CNNM1: variants seen among roughly 807,000 people sequenced by gnomAD.
The protein encoded by CNNM1 is metal transporter CNNM1.
In CNNM1, 44 loss-of-function variants were observed where a neutral mutation model predicts 78.8. That is an observed-to-expected ratio of 0.56 (90% CI 0.44 to 0.72). The LOEUF (loss-of-function observed/expected upper bound fraction) is 0.72. Ranked by LOEUF, CNNM1 falls within the 30% of genes least tolerant of loss-of-function variation. The probability of loss-of-function intolerance (pLI) is 0.00; values close to 1 mark genes in which losing one functional copy is unlikely to be tolerated. For synonymous variants in CNNM1, 584 were observed against 581.5 expected (o/e 1.00, Z -0.06); for missense variants, 1,101 against 1,292.2 (o/e 0.85, Z 2.27).
Position 99,329,525 on chromosome 10 carries a change from G to A in CNNM1, c.138G>A (p.Arg46=). 6.6e-7 allele frequency: 1 copy of A among 1,511,508 alleles called. No homozygotes were observed. The highest frequency in any genetic ancestry group is 8.8e-7 in the Non-Finnish European group (1 of 1,137,554). The allele number at this position is 1,511,508 out of a possible 1,614,324, so 93.6% of individuals were successfully genotyped here. A position where few individuals can be genotyped will look rare whatever the true frequency, so the allele number is the denominator to read the frequency against. The change falls in exon 1 of 11, where the codon CGG becomes CGA. Residue 46 remains arginine (R), a synonymous_variant. Coordinates refer to ENST00000356713, the MANE Select transcript of CNNM1 (RefSeq NM_020348.3). ...PAAAAWLLGL[R]PEDTAGGRVS... is the part of the protein sequence containing the mutation. ...CCGCCGCCTGGCTGCTGGGCCTGCG[G>A]CCCGAGGACACTGCTGGAGGCCGCG...
At position 99,330,445 on chromosome 10, in the gene CNNM1, C is replaced by G; in HGVS notation, c.1058C>G (p.Ala353Gly). 1 of 1,589,998 alleles carries G rather than the reference C, an allele frequency of 6.3e-7. No individual in the cohort carries two copies. ...PYSVCSRHGL[A>G]IASHSVCLTR... ...TCAGTGTGTTCGCGGCACGGGCTGG[C>G]CATCGCCTCGCACAGCGTGTGCCTG... is the stretch of plus-strand genomic sequence containing the variant. The change falls in exon 1 of 11, where the codon GCC becomes GGC. Residue 353 changes from alanine to glycine, a missense_variant. By Grantham distance (60) the Ala-to-Gly change is moderately conservative. Transcript: ENST00000356713.
At chr10:99,350,137 C>T (rs1358841066) in intron 1 of CNNM1, among the ~76,000 whole-genome samples, 1 of 152,154 alleles carries the variant, frequency 6.6e-6, no homozygotes, top group African/African-American at 2.4e-5. Context: ...GCTGCTACTC[C>T]AAGGAATACA....
chr10:99,388,371 G>A (rs2032372638), intron 9 of CNNM1, 70 bp downstream of exon 9: 1 of 1,539,226 alleles, frequency 6.5e-7, no homozygotes, highest in African/African-American at 1.4e-5. Context: ...ATGGCCCAGG[G>A]AAAGCTGGCT....
At chr10:99,368,903 T>C (rs2031717003) in intron 6 of CNNM1, among the ~76,000 whole-genome samples, 1 of 152,218 alleles carries the variant, frequency 6.6e-6, no homozygotes, top group African/African-American at 2.4e-5. Context: ...TGTATCTGTG[T>C]ATGCACATGG....
intron 1 of CNNM1, among the ~76,000 whole-genome samples, chr10:99,356,374 G>A (rs1232851919): frequency 2.0e-5 from 3 of 151,934 alleles, no homozygotes; most frequent in Non-Finnish European, 4.4e-5. Context: ...TACTCGGGAG[G>A]CTGAGGTAGG....
At chr10:99,338,528 C>T (rs1459923896) in intron 1 of CNNM1, among the ~76,000 whole-genome samples, 3 of 152,126 alleles carry the variant, frequency 2.0e-5, no homozygotes, top group Non-Finnish European at 2.9e-5. Flanking sequence ...ATCCGCCAAC[C>T]TCGGCCTCCC....
chr10:99,352,270 T>G (rs953787080), intron 1 of CNNM1, among the ~76,000 whole-genome samples: 20 of 152,372 alleles, frequency 1.3e-4, no homozygotes, highest in African/African-American at 4.8e-4. Context: ...GCATAATGCT[T>G]TCAAGGGTCA....
At chr10:99,362,082 A>C in intron 3 of CNNM1, 145 bp from the exon 4 acceptor site, 1 of 659,858 alleles carries the variant, frequency 1.5e-6, no homozygotes, top group Non-Finnish European at 2.5e-6. Flanking sequence ...CTCCGGAGGA[A>C]CTGCAGAAGC....
At chr10:99,368,793 T>C in intron 6 of CNNM1, 1 of 641,462 alleles carries the variant, frequency 1.6e-6, no homozygotes, top group Non-Finnish European at 2.5e-6. Context: ...GGCACTCCTG[T>C]GACTAAGGCA....
Position 99,376,967 on chromosome 10 carries a change from C to T in CNNM1, c.2177-88C>T, listed in dbSNP as rs2031981998. ...TGGGACCTCAGTAAACAACACCTGT[C>T]TCTCCCTCCTTCCCTGTCTCCCTCC... On this transcript the variant is annotated intron_variant, in intron 6 of 10. Transcript: ENST00000356713. The T allele has an allele frequency of 4.1e-6, 5 of 1,217,630 alleles. No individual in the cohort carries two copies. The South Asian group carries it at 7.2e-5, about 18-fold the overall frequency. The allele number at this position is 1,217,630 out of a possible 1,614,324, so 75.4% of individuals were successfully genotyped here.
Position 99,361,030 on chromosome 10 carries a change from C to T in CNNM1, c.1858+55C>T, listed in dbSNP as rs3763792. 0.58 allele frequency: 880,191 copies of T among 1,515,510 alleles called. 264,029 individuals are homozygous for T. The highest frequency in any genetic ancestry group is 0.62 in the Non-Finnish European group (692,503 of 1,122,976). The allele number at this position is 1,515,510 out of a possible 1,614,324, so 93.9% of individuals were successfully genotyped here. On this transcript the variant is annotated intron_variant, in intron 3 of 10. Coordinates refer to ENST00000356713, the MANE Select transcript of CNNM1 (RefSeq NM_020348.3). Reference sequence around the variant, plus strand: ...AAAACAGAATCTCTAGGGTGGGACCCAGGCACCAATCGTTGTTAATACCTT... The same window carrying T: ...AAAACAGAATCTCTAGGGTGGGACCTAGGCACCAATCGTTGTTAATACCTT...
At chr10:99,383,638 C>A (rs577087066) in intron 7 of CNNM1, among the ~76,000 whole-genome samples, 22 of 152,268 alleles carry the variant, frequency 1.4e-4, no homozygotes, top group African/African-American at 5.1e-4. Context: ...AGAATTAAGG[C>A]AATGCCATGC....
chr10:99,345,437 C>T (rs532226321), intron 1 of CNNM1, among the ~76,000 whole-genome samples: 21 of 152,284 alleles, frequency 1.4e-4, no homozygotes, highest in African/African-American at 5.1e-4. Context: ...CTCTCTTCTC[C>T]CAGGGACTAG....
At chr10:99,372,574 T>G (rs1441541911) in intron 6 of CNNM1, among the ~76,000 whole-genome samples, 1 of 152,234 alleles carries the variant, frequency 6.6e-6, no homozygotes, top group East Asian at 1.9e-4. Context: ...GCTGTGCCTC[T>G]GTGCTCTTAG....
Position 99,329,429 on chromosome 10 carries a change from G to A in CNNM1, c.42G>A (p.Arg14=), listed in dbSNP as rs1483012135. The A allele has an allele frequency of 8.8e-7, 1 of 1,131,362 alleles. No individual in the cohort carries two copies. Among genetic ancestry groups the A allele is most frequent in the Non-Finnish European group, 1.2e-6 (1 of 814,684 alleles). 70.1% of individuals were successfully genotyped at this position (1,131,362 alleles called of 1,614,324 possible). A position where few individuals can be genotyped will look rare whatever the true frequency, so the allele number is the denominator to read the frequency against. ...AAAAAAAVGV[R]LRDCCSRGAV... ...CGGCGGCAGCAGCGGTGGGTGTCAG[G>A]CTCCGGGACTGCTGCAGCCGAGGCG... Residue 14 remains arginine (R), a synonymous_variant, in exon 1 of 11, where the codon AGG becomes AGA. Coordinates refer to ENST00000356713, the MANE Select transcript of CNNM1 (RefSeq NM_020348.3).
At chr10:99,360,235 C>T (rs980851910) in intron 2 of CNNM1, among the ~76,000 whole-genome samples, 4 of 152,104 alleles carry the variant, frequency 2.6e-5, no homozygotes, top group African/African-American at 4.8e-5. Flanking sequence ...AGGTGGTGGC[C>T]GCCCTCCTTC....
At position 99,351,956 on chromosome 10, in the gene CNNM1, T is replaced by C. The variant is rs79100979; in HGVS notation, c.1574-5556T>C. ...ATTATTTTTTTCAATTGGCTTTCTT[T>C]TTAAAAAATAATAGCTTCATTGAGA... On this transcript the variant is annotated intron_variant, in intron 1 of 10. Transcript: ENST00000356713. Among the ~76,000 whole-genome samples the C allele has an allele frequency of 4.7e-3, 719 of 152,336 alleles. 2 individuals are homozygous for C. Among genetic ancestry groups the C allele is most frequent in the Non-Finnish European group, 6.9e-3 (469 of 68,032 alleles).
At chr10:99,382,657 C>T (rs1309559088) in intron 7 of CNNM1, among the ~76,000 whole-genome samples, 2 of 152,128 alleles carry the variant, frequency 1.3e-5, no homozygotes, top group Admixed American at 6.5e-5. Flanking sequence ...GTCCCAGCTA[C>T]TTGGGAGGCT....
chr10:99,363,762 T>TTTTTAA, intron 4 of CNNM1, among the ~76,000 whole-genome samples: 1 of 145,108 alleles, frequency 6.9e-6, no homozygotes, highest in Non-Finnish European at 1.5e-5. Flanking sequence ...TTTTTTTTTT[T>TTTTTAA]GAGACAGAGT....
Sources: gnomAD v4.1 joint callset for allele counts (sites outside exome capture counted in the v4.1 genomes callset) on GRCh38, gnomAD v4.1.1 for gene constraint, MANE v1.5 for transcripts, NCBI Gene and HGNC (gene_info 2026-07-23, HGNC 2026-07-21) for gene names.